The following SMARCA2 variants were observed in gnomAD, a reference collection of about 807,000 sequenced individuals.
The protein encoded by SMARCA2 is SWI/SNF related BAF chromatin remodeling complex subunit ATPase 2.
In SMARCA2, 61 loss-of-function variants were observed where a neutral mutation model predicts 199.8. The ratio of observed to expected loss-of-function variants is 0.31; its 90% CI spans 0.25 to 0.38. SMARCA2 has a LOEUF of 0.38. Ranked by LOEUF, SMARCA2 falls within the 10% of genes least tolerant of loss-of-function variation. The probability of loss-of-function intolerance (pLI) is 1.00; values close to 1 mark genes in which losing one functional copy is unlikely to be tolerated. For synonymous variants in SMARCA2, 935 were observed against 732.0 expected (o/e 1.28, Z -4.48); for missense variants, 1,344 against 2,012.2 (o/e 0.67, Z 6.35).
At chr9:2,160,470 C>T in intron 27 of SMARCA2, 1 of 575,842 alleles carries the variant, frequency 1.7e-6, no homozygotes, top group Non-Finnish European at 3.1e-6. Context: ...GTGTTCTGCA[C>T]CAGGTTTTCT....
rs958010574 is a variant in SMARCA2, at chr9:2,121,927, T to G, written c.3763-1792T>G. ...AAAGCACTTTTAAAACTAATTGTACTTGTAAGCATAAGGTTTATAATCAGA... is the reference window on the plus strand; with the variant it reads ...AAAGCACTTTTAAAACTAATTGTACGTGTAAGCATAAGGTTTATAATCAGA... On this transcript the variant is annotated intron_variant, in intron 26 of 33. Transcript: ENST00000349721. 5.9e-5 allele frequency among the ~76,000 whole-genome samples: 9 copies of G among 152,352 alleles called. 1 individual carries two copies. The highest frequency in any genetic ancestry group is 6.8e-3 in the Middle Eastern group (2 of 292).
rs529498808 is a variant in SMARCA2 at position 2,160,882 on chromosome 9, G to T, written c.3982-804G>T. ...TTCTTTTGAGTTTTGAGATTTACCA[G>T]GAAAAAAAAAAAAAGTTTAAACTTC... is the stretch of plus-strand genomic sequence containing the variant. On this transcript the variant is annotated intron_variant, in intron 27 of 33. Coordinates refer to ENST00000349721, the MANE Select transcript of SMARCA2 (RefSeq NM_003070.5). 14 of 334,572 alleles carry T rather than the reference G, an allele frequency of 4.2e-5. No individual in the cohort carries two copies. The South Asian group carries it at 1.1e-3, about 25-fold the overall frequency. The allele number at this position is 334,572 out of a possible 1,614,324, so 20.7% of individuals were successfully genotyped here.
chr9:2,192,360 G>T, intron 33 of SMARCA2: 1 of 275,140 alleles, frequency 3.6e-6, no homozygotes, highest in Non-Finnish European at 6.8e-6. Context: ...TTTTCTTTAG[G>T]AGATGTCAAA....
intron 33 of SMARCA2, 153 bp downstream of exon 33, chr9:2,191,561 G>C: frequency 3.8e-6 from 3 of 796,306 alleles, no homozygotes; most frequent in Non-Finnish European, 6.1e-6. Flanking sequence ...GGATGTGAAC[G>C]GAGCTGTATG....
At chr9:2,022,543 A>G (rs1283040574) in intron 1 of SMARCA2, among the ~76,000 whole-genome samples, 2 of 152,232 alleles carry the variant, frequency 1.3e-5, no homozygotes, top group Non-Finnish European at 2.9e-5. Flanking sequence ...AGTTGACATT[A>G]ATGAGTGCCT....
chr9:2,178,020 A>AG (rs1826741830), intron 29 of SMARCA2, among the ~76,000 whole-genome samples: 1 of 116,046 alleles, frequency 8.6e-6, no homozygotes, highest in Non-Finnish European at 1.8e-5. Context: ...GGTAATGAGG[A>AG]AAAAAAAAAA....
At chr9:2,101,544 ATTCT>A (rs1446148036) in intron 21 of SMARCA2, 22 bp from the exon 22 acceptor site, 2 of 1,315,164 alleles carry the variant, frequency 1.5e-6, no homozygotes, top group Non-Finnish European at 2.1e-6. Flanking sequence ...TTTTAAAATC[ATTCT>A]TTCTATCTCT....
intron 27 of SMARCA2, among the ~76,000 whole-genome samples, chr9:2,140,910 T>C (rs892326739): frequency 1.6e-4 from 24 of 148,052 alleles, no homozygotes; most frequent in African/African-American, 5.7e-4. Flanking sequence ...GCCAGAGGAC[T>C]TTTTTTTTTA....
At position 2,110,261 on chromosome 9, in the gene SMARCA2, C is replaced by T. The variant is rs1356500099; in HGVS notation, c.3300C>T (p.Thr1100=). 7 of 1,610,018 alleles carry T rather than the reference C, an allele frequency of 4.3e-6. No individual in the cohort carries two copies. Among genetic ancestry groups the T allele is most frequent in the African/African-American group, 1.3e-5 (1 of 74,806 alleles). Residue 1100 remains threonine, a synonymous_variant, in exon 24 of 34, where the codon ACC becomes ACT. Transcript: ENST00000349721. The surrounding 1 kb of genome is among the most constrained non-coding windows in gnomAD (Gnocchi z 4.8). ...TTTTTCTGATCCCCTCAGGCACCAC[C>T]AAGTCTGAAGATCGTGCTGCTTTGC... ...NFLYLRLDGT[T]KSEDRAALLK...
In SMARCA2 at chr9:2,025,200, G is replaced by T. The variant is rs1293498084; in HGVS notation, c.-36-3787G>T. Among the ~76,000 whole-genome samples the T allele has an allele frequency of 2.0e-5, 3 of 152,234 alleles. No homozygotes were observed. In the East Asian group the frequency reaches 5.8e-4, roughly 29 times the overall value. Reference sequence around the variant, plus strand: ...TCTAGTTGTGAATGTAGGAAAGTGGGAAGTAAGGACGAAATCAAGACAGAG... The same window carrying T: ...TCTAGTTGTGAATGTAGGAAAGTGGTAAGTAAGGACGAAATCAAGACAGAG... On this transcript the variant is annotated intron_variant, in intron 1 of 33. Transcript: ENST00000349721.
At position 2,178,800 on chromosome 9, in the gene SMARCA2, T is replaced by C. The variant is rs556575547; in HGVS notation, c.4254-2771T>C. On this transcript the variant is annotated intron_variant, in intron 29 of 33. Transcript: ENST00000349721. ...GTTCGTGCTACCTCAAGGTATTCTA[T>C]AGGTAATGTGGAAGCTAGGTACTGC... Among the ~76,000 whole-genome samples, 8 of 152,266 alleles carry C rather than the reference T, an allele frequency of 5.3e-5. No homozygotes were observed. In the South Asian group the frequency reaches 1.2e-3, roughly 24 times the overall value.
chr9:2,067,777 A>G (rs1045440247), intron 9 of SMARCA2, among the ~76,000 whole-genome samples: 9 of 152,228 alleles, frequency 5.9e-5, no homozygotes, highest in Non-Finnish European at 8.8e-5. Context: ...CTCAGATTTG[A>G]TACCTAATAG....
intron 24 of SMARCA2, among the ~76,000 whole-genome samples, chr9:2,112,336 A>G (rs191009355): frequency 6.6e-6 from 1 of 152,236 alleles, no homozygotes; most frequent in East Asian, 1.9e-4. Context: ...GGAGGTAAGC[A>G]TTTCCACTGA....
At chr9:2,148,221 T>C (rs762892377) in intron 27 of SMARCA2, among the ~76,000 whole-genome samples, 1 of 151,682 alleles carries the variant, frequency 6.6e-6, no homozygotes, top group Non-Finnish European at 1.5e-5. Flanking sequence ...TACTATCTAA[T>C]TGAATTAATG....
intron 24 of SMARCA2, among the ~76,000 whole-genome samples, chr9:2,112,696 C>G (rs993918207): frequency 3.3e-5 from 5 of 152,334 alleles, no homozygotes; most frequent in African/African-American, 9.6e-5. Context: ...GGTAGATTCA[C>G]TTCCACCTGA....
At chr9:2,151,806 A>G (rs1226876524) in intron 27 of SMARCA2, among the ~76,000 whole-genome samples, 1 of 152,138 alleles carries the variant, frequency 6.6e-6, no homozygotes, top group Non-Finnish European at 1.5e-5. Flanking sequence ...AAAAAAACAC[A>G]GTAAAGTCAT....
At chr9:2,192,554 A>T in intron 33 of SMARCA2, 150 bp from the exon 34 acceptor site, 1 of 704,218 alleles carries the variant, frequency 1.4e-6, no homozygotes, top group Non-Finnish European at 2.6e-6. Context: ...ATGCCTCTTT[A>T]ATGTGTTTCT....
At chr9:2,191,238 G>T (rs370348005) in intron 32 of SMARCA2, 28 bp from the exon 33 acceptor site, 22 of 1,610,146 alleles carry the variant, frequency 1.4e-5, no homozygotes, top group Admixed American at 3.3e-5. Context: ...TTACTCACTG[G>T]TGTCTATTTC....
rs567755107 is a variant in SMARCA2 at position 2,108,323 on chromosome 9, C to G, written c.3293-1931C>G. Reference sequence around the variant, plus strand: ...GTGAAGGTCAAGTTTGAGCATTCAGCAGCAAGACCTTCAGCTACTGCAGCC... The same window carrying G: ...GTGAAGGTCAAGTTTGAGCATTCAGGAGCAAGACCTTCAGCTACTGCAGCC... On this transcript the variant is annotated intron_variant, in intron 23 of 33. Coordinates refer to ENST00000349721, the MANE Select transcript of SMARCA2 (RefSeq NM_003070.5). Among the ~76,000 whole-genome samples the G allele has an allele frequency of 3.9e-5, 6 of 152,296 alleles. No individual in the cohort carries two copies. The East Asian group carries it at 9.6e-4, about 24-fold the overall frequency.
Sources: gnomAD v4.1 joint callset for allele counts (sites outside exome capture counted in the v4.1 genomes callset) on GRCh38, gnomAD v4.1.1 for gene constraint, Gnocchi (gnomAD v3.1) non-coding constraint, MANE v1.5 for transcripts, NCBI Gene and HGNC (gene_info 2026-07-23, HGNC 2026-07-21) for gene names.